TADA2A: variants seen among roughly 807,000 people sequenced by gnomAD.
TADA2A encodes the protein transcriptional adapter 2-alpha.
A neutral mutation model predicts 67.4 loss-of-function variants in TADA2A; 38 were observed. The observed-to-expected ratio is 0.56, with a 90% CI of 0.44 to 0.74. The LOEUF (loss-of-function observed/expected upper bound fraction) is 0.74, where lower values mean the gene tolerates loss of function less well. Among genes scored for constraint, TADA2A ranks in the 30% least tolerant of loss-of-function variants. The pLI is 0.00. For synonymous variants in TADA2A, 192 were observed against 181.6 expected (o/e 1.06, Z -0.46); for missense variants, 454 against 547.0 (o/e 0.83, Z 1.70).
chr17:37,451,831 A>G (rs947166495), intron 8 of TADA2A, among the ~76,000 whole-genome samples: 5 of 151,956 alleles, frequency 3.3e-5, no homozygotes, highest in Admixed American at 3.3e-4. Context: ...TAAAAATACA[A>G]AAATTAGCCA....
chr17:37,440,698 C>G (rs1158984854), intron 6 of TADA2A, 36 bp downstream of exon 6: 1 of 1,611,252 alleles, frequency 6.2e-7, no homozygotes, highest in East Asian at 2.2e-5. Flanking sequence ...ATATACTTAG[C>G]TCATCCTTGG....
chr17:37,463,853 T>C (rs528772134), intron 10 of TADA2A, among the ~76,000 whole-genome samples: 87 of 152,012 alleles, frequency 5.7e-4, no homozygotes, highest in African/African-American at 2.1e-3. Context: ...CTCAGGAGGC[T>C]GAGGCAGGAG....
chr17:37,420,990 A>G (rs948927877), intron 2 of TADA2A, among the ~76,000 whole-genome samples: 1 of 146,590 alleles, frequency 6.8e-6, no homozygotes, highest in Non-Finnish European at 1.5e-5. Context: ...GAGAGTTTGG[A>G]TTGTACTCCT....
At chr17:37,464,650 G>A (rs1007961055) in intron 10 of TADA2A, among the ~76,000 whole-genome samples, 1 of 151,450 alleles carries the variant, frequency 6.6e-6, no homozygotes, top group African/African-American at 2.4e-5. Context: ...GACCAGCCTG[G>A]CCAACATGGT....
At chr17:37,411,463 C>T (rs1028289573) in intron 2 of TADA2A, 73 bp downstream of exon 2, 2 of 1,422,692 alleles carry the variant, frequency 1.4e-6, no homozygotes, top group African/African-American at 1.4e-5. Flanking sequence ...CCCTCTGTTG[C>T]CCAGGCTGGG....
chr17:37,426,808 G>A (rs971933759), intron 3 of TADA2A, 142 bp from the exon 4 acceptor site: 6 of 657,802 alleles, frequency 9.1e-6, no homozygotes, highest in African/African-American at 1.9e-5. Flanking sequence ...TGGTGCCACT[G>A]CACTTCGGCC....
intron 8 of TADA2A, among the ~76,000 whole-genome samples, chr17:37,452,130 G>A (rs12945278): frequency 0.22 from 34,025 of 151,918 alleles, 3,975 homozygotes; most frequent in Middle Eastern, 0.35. Flanking sequence ...ATGGCCAGGC[G>A]CGATGGCTCA....
chr17:37,434,829 T>C (rs2052673778), intron 4 of TADA2A, among the ~76,000 whole-genome samples: 1 of 151,214 alleles, frequency 6.6e-6, no homozygotes, highest in African/African-American at 2.4e-5. Context: ...TATTTAAATA[T>C]TTGATGTTTC....
chr17:37,427,118 A>C lies in TADA2A; in HGVS notation c.192+109A>C, dbSNP rs1012119747. On this transcript the variant is annotated intron_variant, in intron 4 of 15. Transcript: ENST00000615182. ...AAGCTCTCTTGGACTTCAGGGAATT[A>C]GTTTTCTTAATCTCTGAGTATCTTT... 5.9e-6 allele frequency: 5 copies of C among 846,130 alleles called. No individual in the cohort carries two copies. In the South Asian group the frequency reaches 6.9e-5, roughly 12 times the overall value. The allele number at this position is 846,130 out of a possible 1,614,324, so 52.4% of individuals were successfully genotyped here. A position where few individuals can be genotyped will look rare whatever the true frequency, so the allele number is the denominator to read the frequency against.
chr17:37,457,916 A>G (rs1437063328), intron 8 of TADA2A, among the ~76,000 whole-genome samples: 1 of 151,866 alleles, frequency 6.6e-6, no homozygotes. Context: ...TTTAATAGAA[A>G]GGAGAATTTT....
intron 2 of TADA2A, among the ~76,000 whole-genome samples, chr17:37,414,431 C>G (rs928767380): frequency 6.6e-6 from 1 of 151,998 alleles, no homozygotes; most frequent in South Asian, 2.1e-4. Flanking sequence ...GTACTCCCCC[C>G]GCCCTGGAAT....
chr17:37,448,292 A>G (rs1176621059), intron 8 of TADA2A, among the ~76,000 whole-genome samples: 1 of 152,124 alleles, frequency 6.6e-6, no homozygotes, highest in African/African-American at 2.4e-5. Context: ...TTTGGTTTGC[A>G]TGGTTCATTA....
Position 37,415,874 on chromosome 17 carries a change from CAAAAAA to C in TADA2A, c.25+4497_25+4502del, listed in dbSNP as rs35954525. Among the ~76,000 whole-genome samples the C allele has an allele frequency of 3.7e-3, 389 of 105,834 alleles. 1 individual carries two copies. The highest frequency in any genetic ancestry group is 0.013 in the African/African-American group (369 of 28,780). The allele number at this position is 105,834 out of a possible 152,430, so 69.4% of individuals were successfully genotyped here. A position where few individuals can be genotyped will look rare whatever the true frequency, so the allele number is the denominator to read the frequency against. Reference sequence around the variant, plus strand: ...GGGCGACAAGAGTGAAACTCCTTCTCAAAAAAAAAAAAAAAAAAGTGTCTATATTCC... The same window carrying C: ...GGGCGACAAGAGTGAAACTCCTTCTCAAAAAAAAAAAAGTGTCTATATTCC... On this transcript the variant is annotated intron_variant, in intron 2 of 15. Coordinates refer to ENST00000615182, the MANE Select transcript of TADA2A (RefSeq NM_001166105.3).
chr17:37,459,959 G>T (rs1240101056), intron 9 of TADA2A, among the ~76,000 whole-genome samples: 2 of 151,580 alleles, frequency 1.3e-5, no homozygotes, highest in Non-Finnish European at 2.9e-5. Context: ...CAAGCTACTC[G>T]GGAGGCTGAG....
chr17:37,476,232 TG>T (rs2053890388), intron 15 of TADA2A, among the ~76,000 whole-genome samples: 1 of 152,246 alleles, frequency 6.6e-6, no homozygotes, highest in Admixed American at 6.5e-5. Context: ...TCCTCATTGC[TG>T]GATAATGTGG....
chr17:37,435,074 C>T (rs1391870970), intron 4 of TADA2A, among the ~76,000 whole-genome samples: 1 of 152,102 alleles, frequency 6.6e-6, no homozygotes, highest in African/African-American at 2.4e-5. Context: ...TGGAGAAACC[C>T]CGTCTCTACT....
chr17:37,475,297 G>A (rs947523101), intron 15 of TADA2A, among the ~76,000 whole-genome samples: 9 of 150,828 alleles, frequency 6.0e-5, no homozygotes, highest in African/African-American at 2.0e-4. Flanking sequence ...TCAGCTCCCC[G>A]AGTAGCTGGG....
intron 2 of TADA2A, among the ~76,000 whole-genome samples, chr17:37,420,232 T>C (rs2052190286): frequency 6.9e-6 from 1 of 145,914 alleles, no homozygotes; most frequent in South Asian, 2.2e-4. Flanking sequence ...GAAGGATCAC[T>C]TGAGGCTGGA....
intron 3 of TADA2A, among the ~76,000 whole-genome samples, chr17:37,425,871 G>C (rs1199877152): frequency 6.8e-6 from 1 of 147,852 alleles, no homozygotes; most frequent in African/African-American, 2.5e-5. Context: ...TGCTCAGGCT[G>C]GTCTGGAACT....
Sources: gnomAD v4.1 joint callset for allele counts (sites outside exome capture counted in the v4.1 genomes callset) on GRCh38, gnomAD v4.1.1 for gene constraint, MANE v1.5 for transcripts, NCBI Gene and HGNC (gene_info 2026-07-23, HGNC 2026-07-21) for gene names.